Variants in CDH18 observed in about 807,000 individuals in gnomAD.
The protein encoded by CDH18 is cadherin 18, also known as cadherin-18.
Under a neutral mutation model 67.9 loss-of-function variants are expected in CDH18, and 31 were observed. The ratio of observed to expected loss-of-function variants is 0.46; its 90% CI spans 0.34 to 0.62. CDH18 has a LOEUF of 0.62. CDH18 is among the 20% of genes least tolerant of loss of function. The probability of loss-of-function intolerance (pLI) is 0.01; values close to 1 mark genes in which losing one functional copy is unlikely to be tolerated. For missense variants in CDH18, 890 were observed against 975.5 expected (o/e 0.91, Z 1.17); for synonymous variants, 362 against 347.2 (o/e 1.04, Z -0.48).
chr5:20,568,537 A>G (rs761804452), intron 1 of CDH18, among the ~76,000 whole-genome samples: 5 of 152,278 alleles, frequency 3.3e-5, no homozygotes, highest in East Asian at 1.9e-4. Context: ...CCAACAACTA[A>G]ACTTTATGAA....
chr5:20,354,314 C>T (rs927474941), intron 1 of CDH18, among the ~76,000 whole-genome samples: 21 of 152,118 alleles, frequency 1.4e-4, no homozygotes, highest in Non-Finnish European at 2.2e-4. Flanking sequence ...TTTTAACATA[C>T]GTTAAATTTA....
At chr5:19,869,287 T>G in intron 2 of CDH18, among the ~76,000 whole-genome samples, 1 of 152,106 alleles carries the variant, frequency 6.6e-6, no homozygotes, top group East Asian at 1.9e-4. Flanking sequence ...AATAATATAA[T>G]GTATCTCAGG....
At chr5:19,652,205 T>A (rs1245307739) in intron 5 of CDH18, among the ~76,000 whole-genome samples, 4 of 152,044 alleles carry the variant, frequency 2.6e-5, no homozygotes, top group African/African-American at 9.7e-5. Context: ...AGAAGTCATA[T>A]TTTTCTGGGA....
intron 8 of CDH18, among the ~76,000 whole-genome samples, chr5:19,568,862 T>C (rs1446180977): frequency 6.6e-6 from 1 of 152,164 alleles, no homozygotes; most frequent in African/African-American, 2.4e-5. Flanking sequence ...TCCCAAGATG[T>C]AATAACTAGA....
intron 2 of CDH18, among the ~76,000 whole-genome samples, chr5:20,066,333 A>G (rs899817508): frequency 6.6e-6 from 1 of 152,100 alleles, no homozygotes; most frequent in African/African-American, 2.4e-5. Flanking sequence ...TGATACCAGA[A>G]AAACGCTACA....
At chr5:19,937,704 C>A (rs1404262692) in intron 2 of CDH18, among the ~76,000 whole-genome samples, 2 of 150,998 alleles carry the variant, frequency 1.3e-5, no homozygotes, top group African/African-American at 4.8e-5. Flanking sequence ...TATATATGTA[C>A]ATATTTTTTT....
chr5:20,300,957 C>T (rs1404789352), intron 1 of CDH18, among the ~76,000 whole-genome samples: 1 of 152,044 alleles, frequency 6.6e-6, no homozygotes, highest in Non-Finnish European at 1.5e-5. Flanking sequence ...ACATATCATT[C>T]ACTTTAAAAA....
In CDH18 at chr5:20,343,651, G is replaced by T. The variant is rs577086428; in HGVS notation, c.-579-88146C>A. Among the ~76,000 whole-genome samples, 29 of 152,202 alleles carry T rather than the reference G, an allele frequency of 1.9e-4. 3 individuals carry two copies. The South Asian group carries it at 5.2e-3, about 27-fold the overall frequency. Reference sequence around the variant, plus strand: ...TATTGAAAGCACACCTCTCTCACTGGACACAAGTGCTCAACTGGTTGAGCA... The same window carrying T: ...TATTGAAAGCACACCTCTCTCACTGTACACAAGTGCTCAACTGGTTGAGCA... On this transcript the variant is annotated intron_variant, in intron 1 of 14. Transcript: ENST00000507958.
At chr5:19,836,620 C>T (rs1462541874) in intron 3 of CDH18, among the ~76,000 whole-genome samples, 2 of 152,068 alleles carry the variant, frequency 1.3e-5, no homozygotes, top group Non-Finnish European at 2.9e-5. Flanking sequence ...CTTTAGGTTG[C>T]CTGTTCACTC....
chr5:19,499,441 A>G (rs1366786809), intron 11 of CDH18, among the ~76,000 whole-genome samples: 1 of 152,044 alleles, frequency 6.6e-6, no homozygotes, highest in Non-Finnish European at 1.5e-5. Flanking sequence ...TAAAATTAAA[A>G]TTTCTGAACA....
intron 1 of CDH18, among the ~76,000 whole-genome samples, chr5:20,522,153 G>T (rs1051773137): frequency 5.9e-5 from 9 of 152,146 alleles, no homozygotes; most frequent in Non-Finnish European, 1.2e-4. Context: ...AGTCCACAGC[G>T]GGAAGTTAGC....
At chr5:20,246,619 A>G (rs1743399015) in intron 2 of CDH18, among the ~76,000 whole-genome samples, 1 of 152,126 alleles carries the variant, frequency 6.6e-6, no homozygotes, top group African/African-American at 2.4e-5. Flanking sequence ...TTAAGAAGAA[A>G]CCAATGGCTT....
At chr5:19,970,830 AG>A (rs1186341121) in intron 2 of CDH18, among the ~76,000 whole-genome samples, 7 of 151,488 alleles carry the variant, frequency 4.6e-5, no homozygotes, top group African/African-American at 1.7e-4. Context: ...TAAAGAAGAT[AG>A]AAAAAAATAG....
chr5:19,528,698 T>A (rs957529167), intron 9 of CDH18, among the ~76,000 whole-genome samples: 8 of 151,868 alleles, frequency 5.3e-5, no homozygotes, highest in African/African-American at 1.9e-4. Context: ...ATTGATTGAT[T>A]CTAAGTGAGG....
intron 5 of CDH18, among the ~76,000 whole-genome samples, chr5:19,692,291 A>G (rs1761993616): frequency 6.6e-6 from 1 of 152,146 alleles, no homozygotes; most frequent in Admixed American, 6.6e-5. Flanking sequence ...ATAATGAAAC[A>G]TAGGTGAAAC....
chr5:19,621,925 C>T (rs1166926808), intron 5 of CDH18, among the ~76,000 whole-genome samples: 1 of 152,178 alleles, frequency 6.6e-6, no homozygotes, highest in African/African-American at 2.4e-5. Context: ...TTAGTCACAT[C>T]CTTCTGCTTT....
At chr5:20,354,153 C>A (rs1451790762) in intron 1 of CDH18, among the ~76,000 whole-genome samples, 1 of 152,052 alleles carries the variant, frequency 6.6e-6, no homozygotes. Context: ...AAGAACAAAA[C>A]ATTATAAATA....
intron 1 of CDH18, among the ~76,000 whole-genome samples, chr5:20,287,408 C>T (rs1746771825): frequency 6.6e-6 from 1 of 151,550 alleles, no homozygotes; most frequent in Non-Finnish European, 1.5e-5. Context: ...CCTCCTTTTT[C>T]CATAGGTTCC....
intron 3 of CDH18, among the ~76,000 whole-genome samples, chr5:19,751,192 G>C (rs1770799152): frequency 6.6e-6 from 1 of 151,976 alleles, no homozygotes. Flanking sequence ...TTAGGATCAG[G>C]ACCTGAAAAT....
Sources: allele counts gnomAD v4.1 joint callset (sites outside exome capture counted in the v4.1 genomes callset), GRCh38; gene constraint gnomAD v4.1.1; transcripts MANE v1.5; gene names NCBI Gene and HGNC (gene_info 2026-07-23, HGNC 2026-07-21).